ESR1: variants seen among roughly 807,000 people sequenced by gnomAD.
ESR1 encodes estrogen receptor 1, also known as estrogen receptor.
In ESR1, 12 loss-of-function variants were observed where a neutral mutation model predicts 52.7. The observed-to-expected ratio is 0.23, with a 90% confidence interval of 0.15 to 0.37. ESR1 has a LOEUF of 0.37. Ranked by LOEUF, ESR1 falls within the 10% of genes least tolerant of loss-of-function variation. ESR1 has a pLI of 1.00. For missense variants in ESR1, 584 were observed against 779.7 expected (o/e 0.75, Z 2.99); for synonymous variants, 305 against 316.8 (o/e 0.96, Z 0.39).
intron 5 of ESR1, among the ~76,000 whole-genome samples, chr6:152,028,435 C>A (rs1449510645): frequency 1.3e-5 from 2 of 152,294 alleles, no homozygotes; most frequent in East Asian, 1.9e-4. Flanking sequence ...AAAATCGGGT[C>A]ACTCCCACCC....
rs1583383359 is a variant in ESR1, at chr6:151,807,810, C to A, written c.-103C>A. The A allele has an allele frequency of 9.5e-7, 1 of 1,049,252 alleles. No homozygotes were observed. The highest frequency in any genetic ancestry group is 2.6e-5 in the East Asian group (1 of 38,838). The allele number at this position is 1,049,252 out of a possible 1,614,324, so 65.0% of individuals were successfully genotyped here. ...CGTGTCGGCGGGACATGCGCTGCGT[C>A]GCCTCTAACCTCGGGCTGTGCTCTT... On this transcript the variant is annotated 5_prime_UTR_variant, in exon 1 of 8. Coordinates refer to ENST00000206249, the MANE Select transcript of ESR1 (RefSeq NM_000125.4).
chr6:151,744,347 G>A (rs553467359), intron 2 of ESR1, among the ~76,000 whole-genome samples: 15 of 152,160 alleles, frequency 9.9e-5, no homozygotes, highest in Non-Finnish European at 2.1e-4. Context: ...TACCAGCAAT[G>A]CATGAGGGTT....
intron 1 of ESR1, among the ~76,000 whole-genome samples, chr6:151,695,885 G>T (rs1209674135): frequency 1.3e-5 from 2 of 152,102 alleles, no homozygotes; most frequent in African/African-American, 4.8e-5. Flanking sequence ...GACAAATAAA[G>T]ACACAAATTG....
intron 4 of ESR1, among the ~76,000 whole-genome samples, chr6:151,953,968 A>AT (rs1263422416): frequency 6.6e-6 from 1 of 152,026 alleles, no homozygotes; most frequent in African/African-American, 2.4e-5. Context: ...CTGACTGTTG[A>AT]TTTTTGGCAC....
intron 6 of ESR1, among the ~76,000 whole-genome samples, chr6:152,110,970 C>T (rs1336665425): frequency 1.3e-5 from 2 of 152,112 alleles, no homozygotes; most frequent in African/African-American, 4.8e-5. Context: ...GCCTCTGCTT[C>T]CTGCTGAGGA....
intron 3 of ESR1, among the ~76,000 whole-genome samples, chr6:151,895,576 A>G (rs988020986): frequency 1.3e-5 from 2 of 152,176 alleles, no homozygotes. Flanking sequence ...GATTTTGCTG[A>G]AGGTTTTAAT....
chr6:151,929,723 T>C (rs1238126952), intron 3 of ESR1, among the ~76,000 whole-genome samples: 1 of 152,030 alleles, frequency 6.6e-6, no homozygotes, highest in African/African-American at 2.4e-5. Flanking sequence ...TCAAAATAAA[T>C]AAATCAATAA....
chr6:151,975,023 G>T (rs932736240), intron 4 of ESR1, among the ~76,000 whole-genome samples: 1 of 152,168 alleles, frequency 6.6e-6, no homozygotes, highest in African/African-American at 2.4e-5. Context: ...GATTACTCAG[G>T]CTGGGTGGAA....
chr6:151,723,520 G>A (rs1464329602), intron 2 of ESR1, among the ~76,000 whole-genome samples: 1 of 152,024 alleles, frequency 6.6e-6, no homozygotes, highest in Non-Finnish European at 1.5e-5. Context: ...AAACTAGGAG[G>A]GTATCTATGG....
Position 152,100,494 on chromosome 6 carries a change from G to C in ESR1, c.*1528G>C, listed in dbSNP as rs2050929170. 1 of 236,284 alleles carries C rather than the reference G, an allele frequency of 4.2e-6. No homozygotes were observed. The highest frequency in any genetic ancestry group is 5.6e-5 in the Admixed American group (1 of 17,822). 14.6% of individuals were successfully genotyped at this position (236,284 alleles called of 1,614,324 possible). On this transcript the variant is annotated 3_prime_UTR_variant, in exon 8 of 8. Coordinates refer to ENST00000206249, the MANE Select transcript of ESR1 (RefSeq NM_000125.4). ...TTTGACCTATAGGCTAAAAAAGAAA[G>C]GCTCATTCCAGCCACAGGGCAGCCT...
chr6:151,930,270 C>T (rs1430331048), intron 3 of ESR1, among the ~76,000 whole-genome samples: 2 of 152,114 alleles, frequency 1.3e-5, no homozygotes, highest in African/African-American at 4.8e-5. Context: ...CAGGAGTGAG[C>T]CACCGCACCC....
chr6:151,663,416 A>G (rs950063306), intron 1 of ESR1, among the ~76,000 whole-genome samples: 27 of 152,220 alleles, frequency 1.8e-4, no homozygotes, highest in Non-Finnish European at 7.3e-5. Flanking sequence ...TTTGCCCAGT[A>G]CATTTAGTAA....
intron 2 of ESR1, among the ~76,000 whole-genome samples, chr6:151,789,744 A>C (rs1583294188): frequency 6.6e-6 from 1 of 152,140 alleles, no homozygotes; most frequent in Non-Finnish European, 1.5e-5. Context: ...TGTGAGTTTC[A>C]TTTCATCTCA....
chr6:151,930,197 G>A (rs991543915), intron 3 of ESR1, among the ~76,000 whole-genome samples: 1 of 151,934 alleles, frequency 6.6e-6, no homozygotes, highest in African/African-American at 2.4e-5. Flanking sequence ...TGGTCAGGCT[G>A]GGGTCTTAAA....
chr6:151,660,307 C>T (rs1562314956), intron 1 of ESR1, among the ~76,000 whole-genome samples: 8 of 152,160 alleles, frequency 5.3e-5, no homozygotes. Context: ...CATGATTTTG[C>T]AGTAAGTTCA....
intron 2 of ESR1, among the ~76,000 whole-genome samples, chr6:151,709,734 T>TA (rs1033008338): frequency 1.3e-5 from 2 of 151,988 alleles, no homozygotes; most frequent in Non-Finnish European, 2.9e-5. Flanking sequence ...GCATTTTTTC[T>TA]ATAGATTTTT....
intron 1 of ESR1, among the ~76,000 whole-genome samples, chr6:151,657,095 A>G (rs1437789673): frequency 6.6e-6 from 1 of 152,186 alleles, no homozygotes; most frequent in Non-Finnish European, 1.5e-5. Flanking sequence ...TATCTTACAC[A>G]GGGGGAATAC....
intron 2 of ESR1, among the ~76,000 whole-genome samples, chr6:151,731,564 C>G (rs1345037226): frequency 6.6e-6 from 1 of 151,952 alleles, no homozygotes; most frequent in East Asian, 1.9e-4. Flanking sequence ...CAGGTCAGCT[C>G]CCAACAAAGC....
intron 5 of ESR1, among the ~76,000 whole-genome samples, chr6:152,045,669 C>T (rs2046173502): frequency 1.3e-5 from 2 of 152,094 alleles, no homozygotes; most frequent in African/African-American, 4.8e-5. Flanking sequence ...CTTGTTAGCA[C>T]TGAGTAAGAA....
Sources: allele counts gnomAD v4.1 joint callset (sites outside exome capture counted in the v4.1 genomes callset), GRCh38; gene constraint gnomAD v4.1.1; transcripts MANE v1.5; gene names NCBI Gene and HGNC (gene_info 2026-07-23, HGNC 2026-07-21).